ZNF83: variants seen among roughly 807,000 people sequenced by gnomAD.
ZNF83 encodes the protein zinc finger protein 83, also known as zinc finger protein 816B.
For missense variants in ZNF83, 552 were observed against 629.9 expected (o/e 0.88, Z 1.32); for synonymous variants, 209 against 213.0 (o/e 0.98, Z 0.17).
At chr19:52,660,609 T>C (rs12974023) in intron 2 of ZNF83, among the ~76,000 whole-genome samples, 65,928 of 151,642 alleles carry the variant, frequency 0.43, 14,555 homozygotes, top group East Asian at 0.56. Context: ...TAAAGGGAGA[T>C]AGAATTTAAG....
At chr19:52,615,833 T>C (rs1453802512) in intron 2 of ZNF83, among the ~76,000 whole-genome samples, 1 of 152,190 alleles carries the variant, frequency 6.6e-6, no homozygotes, top group African/African-American at 2.4e-5. Flanking sequence ...TGACAGAGAC[T>C]GATAAATCTT....
intron 3 of ZNF83, among the ~76,000 whole-genome samples, chr19:52,645,215 G>A (rs1465080786): frequency 2.0e-5 from 3 of 151,992 alleles, no homozygotes; most frequent in Non-Finnish European, 4.4e-5. Flanking sequence ...TTGATGTTAC[G>A]GTAAAAGGTC....
intron 1 of ZNF83, among the ~76,000 whole-genome samples, chr19:52,666,177 A>AC (rs1364884959): frequency 6.6e-6 from 1 of 151,072 alleles, no homozygotes; most frequent in Non-Finnish European, 1.5e-5. Context: ...AAAAAAAAAA[A>AC]AGAAAGAGAC....
intron 1 of ZNF83, among the ~76,000 whole-genome samples, chr19:52,679,586 G>A (rs1600269986): frequency 6.6e-6 from 1 of 152,178 alleles, no homozygotes; most frequent in African/African-American, 2.4e-5. Context: ...ACTCCAGCAT[G>A]GGTGACAGAG....
At chr19:52,629,385 C>G (rs1337055384) in intron 2 of ZNF83, among the ~76,000 whole-genome samples, 1 of 152,088 alleles carries the variant, frequency 6.6e-6, no homozygotes, top group East Asian at 1.9e-4. Context: ...CAACCCCAAG[C>G]ATCGCTGAGT....
At chr19:52,622,266 T>C (rs1280893405) in intron 2 of ZNF83, among the ~76,000 whole-genome samples, 4 of 152,158 alleles carry the variant, frequency 2.6e-5, no homozygotes, top group African/African-American at 4.8e-5. Context: ...ATTTTCTCTA[T>C]CAGACCTTTC....
At chr19:52,613,323 T>C (rs889056469) in exon 3 of ZNF83, 5 of 1,613,988 alleles carry the variant, frequency 3.1e-6, no homozygotes, top group African/African-American at 1.3e-5. Flanking sequence ...ATGCAAGGTA[T>C]GAATTTTGAC....
intron 3 of ZNF83, chr19:52,654,255 A>G: frequency 1.3e-6 from 2 of 1,563,004 alleles, no homozygotes; most frequent in Middle Eastern, 3.4e-4. Context: ...ACTGAAACTC[A>G]AAGTCATGAA....
intron 1 of ZNF83, among the ~76,000 whole-genome samples, chr19:52,686,273 T>C (rs1335394659): frequency 6.6e-6 from 1 of 151,922 alleles, no homozygotes; most frequent in Admixed American, 6.6e-5. Context: ...TTTTAAATTG[T>C]TTTAAAAAAA....
At position 52,668,295 on chromosome 19, in the gene ZNF83, T is replaced by C. The variant is rs190272365; in HGVS notation, c.-282-7452A>G. The stretch of plus-strand genomic sequence containing the variant: ...CAGAAAGGGAGGGACACATCACACC[T>C]GAGTCAAGCAGGTGCCATTATCATC... On this transcript the variant is annotated intron_variant, in intron 1 of 5. Coordinates refer to the ZNF83 transcript ENST00000594682. 2.8e-3 allele frequency among the ~76,000 whole-genome samples: 420 copies of C among 152,272 alleles called. 3 individuals carry two copies. The highest frequency in any genetic ancestry group is 4.0e-3 in the Non-Finnish European group (269 of 68,004).
At chr19:52,613,227 A>G (rs560315266) in exon 3 of ZNF83, 2 of 1,613,644 alleles carry the variant, frequency 1.2e-6, no homozygotes, top group South Asian at 2.2e-5. Flanking sequence ...TTTTCCGATG[A>G]TGTGCTAGGG....
At chr19:52,654,030 G>A in intron 3 of ZNF83, 2 of 1,572,146 alleles carry the variant, frequency 1.3e-6, no homozygotes, top group Non-Finnish European at 1.7e-6. Flanking sequence ...TTGAAACCAA[G>A]GAAGCATTGT....
At chr19:52,633,295 ACT>A (rs1296595778) in intron 2 of ZNF83, among the ~76,000 whole-genome samples, 12 of 149,914 alleles carry the variant, frequency 8.0e-5, no homozygotes, top group East Asian at 3.9e-4. Context: ...CCCTTCGCTG[ACT>A]CTCTTTTCAG....
At chr19:52,680,956 G>A (rs1017953784) in intron 1 of ZNF83, among the ~76,000 whole-genome samples, 1 of 151,662 alleles carries the variant, frequency 6.6e-6, no homozygotes, top group Non-Finnish European at 1.5e-5. Flanking sequence ...TGGATGTCTC[G>A]GTTTTATGGA....
At chr19:52,690,282 G>A (rs1195002029) in intron 1 of ZNF83, among the ~76,000 whole-genome samples, 1 of 151,938 alleles carries the variant, frequency 6.6e-6, no homozygotes, top group Non-Finnish European at 1.5e-5. Context: ...GGCGACTTTA[G>A]ACCCAAAAGG....
At chr19:52,613,665 G>A in exon 3 of ZNF83, 2 of 1,613,052 alleles carry the variant, frequency 1.2e-6, no homozygotes, top group Non-Finnish European at 1.7e-6. Context: ...GGGATGACTT[G>A]TGACTGAAGA....
intron 1 of ZNF83, among the ~76,000 whole-genome samples, chr19:52,673,979 G>A (rs1280860635): frequency 7.3e-6 from 1 of 136,836 alleles, no homozygotes; most frequent in African/African-American, 2.8e-5. Flanking sequence ...TCATGCCACT[G>A]CCCTGCAGCC....
intron 2 of ZNF83, among the ~76,000 whole-genome samples, chr19:52,629,737 AC>A (rs2060881596): frequency 6.6e-6 from 1 of 152,164 alleles, no homozygotes. Context: ...TTTGGCAGCA[AC>A]CCTGAGACAC....
chr19:52,646,571 T>C (rs1162819516), intron 3 of ZNF83, among the ~76,000 whole-genome samples: 2 of 152,124 alleles, frequency 1.3e-5, no homozygotes, highest in African/African-American at 4.8e-5. Flanking sequence ...AATTAGTTAA[T>C]TAAATTAAAA....
Sources: allele counts gnomAD v4.1 joint callset (sites outside exome capture counted in the v4.1 genomes callset), GRCh38; gene constraint gnomAD v4.1.1; transcripts MANE v1.5; gene names NCBI Gene and HGNC (gene_info 2026-07-23, HGNC 2026-07-21).